GANC: variants seen among roughly 807,000 people sequenced by gnomAD.
The protein encoded by GANC is glucosidase alpha, neutral C, also known as neutral alpha-glucosidase C.
Under a neutral mutation model 124.2 loss-of-function variants are expected in GANC, and 117 were observed. That is an observed-to-expected ratio of 0.94 (90% CI 0.81 to 1.10). GANC has a LOEUF of 1.10. Ranked by LOEUF, GANC falls within the 50% of genes least tolerant of loss-of-function variation. The pLI is 0.00. For missense variants in GANC, 1,140 were observed against 1,095.0 expected, an observed-to-expected ratio of 1.04 and a Z score of -0.58; for synonymous variants, 377 against 376.8, an observed-to-expected ratio of 1.00 and a Z score of -0.01.
In GANC at chr15:42,352,447, T is replaced by C; in HGVS notation, c.*308T>C. On this transcript the variant is annotated 3_prime_UTR_variant, in exon 24 of 24. Coordinates refer to ENST00000318010, the MANE Select transcript of GANC (RefSeq NM_198141.3). ...CATTCCTTCAGCAGGGCTGCGTGGG[T>C]CTGTTTTAACGTGGGCCAAGCCTAC... The C allele has an allele frequency of 2.7e-6, 3 of 1,101,002 alleles. No homozygotes were observed. Among genetic ancestry groups the C allele is most frequent in the Non-Finnish European group, 3.3e-6 (3 of 897,912 alleles). 68.2% of individuals were successfully genotyped at this position (1,101,002 alleles called of 1,614,324 possible).
chr15:42,310,824 C>CA lies in GANC; in HGVS notation c.1038dup (p.Gln347ThrfsTer27). ...CAGGACCTACACCTTCTGATGTCTT[C>CA]AAACAGTACTCACACCTTACAGGTA... is the stretch of plus-strand genomic sequence containing the variant. On this transcript the variant is annotated frameshift_variant, in exon 10 of 24. Coordinates refer to ENST00000318010, the MANE Select transcript of GANC (RefSeq NM_198141.3). LOFTEE classifies it high-confidence loss of function. 6.2e-7 allele frequency: 1 copy of CA among 1,614,046 alleles called. No individual in the cohort carries two copies. The highest frequency in any genetic ancestry group is 8.5e-7 in the Non-Finnish European group (1 of 1,179,886).
At position 42,297,740 on chromosome 15, in the gene GANC, C is replaced by T. The variant is rs1403992054; in HGVS notation, c.558+84C>T. 6 of 987,056 alleles carry T rather than the reference C, an allele frequency of 6.1e-6. No individual in the cohort carries two copies. In the Admixed American group the frequency reaches 6.7e-5, roughly 11 times the overall value. 61.1% of individuals were successfully genotyped at this position (987,056 alleles called of 1,614,324 possible). On this transcript the variant is annotated intron_variant, in intron 6 of 23. Transcript: ENST00000318010. ...ATATAAGGAATTCTCTTTCTTCCTT[C>T]TACAGAAGGGTGCTTGTTAAATGAT...
chr15:42,326,178 T>G, intron 11 of GANC, 120 bp from the exon 12 acceptor site: 1 of 696,182 alleles, frequency 1.4e-6, no homozygotes, highest in Non-Finnish European at 2.5e-6. Flanking sequence ...GTCTGAAATA[T>G]TTCAATACTA....
Position 42,329,400 on chromosome 15 carries a change from A to T in GANC, c.1595A>T (p.His532Leu), listed in dbSNP as rs574481114. Residue 532 changes from histidine to leucine, a missense_variant, in exon 14 of 24, where the codon CAT (histidine) becomes CTT (leucine). By Grantham distance (99) the His-to-Leu change is moderately conservative. Coordinates refer to ENST00000318010, the MANE Select transcript of GANC (RefSeq NM_198141.3). ...EQTMQKNAIH[H>L]GNWEHRELHN... ...ACCATGCAGAAGAATGCCATTCATC[A>T]TGGCAATTGGGAGCACAGAGAGCTC... 7 of 1,613,942 alleles carry T rather than the reference A, an allele frequency of 4.3e-6. No homozygotes were observed. In the South Asian group the frequency reaches 6.6e-5, roughly 15 times the overall value.
At chr15:42,277,777 T>G (rs1322901115) in intron 2 of GANC, among the ~76,000 whole-genome samples, 2 of 151,744 alleles carry the variant, frequency 1.3e-5, no homozygotes, top group Non-Finnish European at 2.9e-5. Flanking sequence ...ATTTTTTGTA[T>G]TTTTAGTAGA....
In GANC at chr15:42,278,440, T is replaced by A. The variant is rs781663919; in HGVS notation, c.93-42T>A. On this transcript the variant is annotated intron_variant, in intron 2 of 23. Coordinates refer to ENST00000318010, the MANE Select transcript of GANC (RefSeq NM_198141.3). ...AATATAGTCTTTTGGATACTGACAA[T>A]CACAAATAATTATCAAGCATCTGCA... 1.4e-5 allele frequency: 19 copies of A among 1,318,034 alleles called. No homozygotes were observed. In the South Asian group the frequency reaches 2.1e-4, roughly 15 times the overall value. 81.6% of individuals were successfully genotyped at this position (1,318,034 alleles called of 1,614,324 possible). A position where few individuals can be genotyped will look rare whatever the true frequency, so the allele number is the denominator to read the frequency against.
intron 19 of GANC, among the ~76,000 whole-genome samples, chr15:42,343,607 T>C (rs2052343327): frequency 6.6e-6 from 1 of 152,006 alleles, no homozygotes; most frequent in South Asian, 2.1e-4. Context: ...AAATAGTGAC[T>C]CCCCTCCCAC....
At chr15:42,306,489 G>C in intron 6 of GANC, 57 bp from the exon 7 acceptor site, 1 of 1,343,106 alleles carries the variant, frequency 7.4e-7, no homozygotes, top group South Asian at 1.2e-5. Flanking sequence ...AGCTATTGTG[G>C]TAAACACATT....
intron 6 of GANC, among the ~76,000 whole-genome samples, chr15:42,304,497 C>G (rs2051975115): frequency 6.6e-6 from 1 of 152,194 alleles, no homozygotes; most frequent in South Asian, 2.1e-4. Flanking sequence ...ATTCCATGCT[C>G]ATGGATAGTA....
At chr15:42,347,352 T>C (rs1409305217) in intron 20 of GANC, among the ~76,000 whole-genome samples, 1 of 152,164 alleles carries the variant, frequency 6.6e-6, no homozygotes, top group Non-Finnish European at 1.5e-5. Flanking sequence ...ATGCTCATTC[T>C]TGAGTCAGAG....
At chr15:42,331,550 G>T (rs1433521618) in intron 15 of GANC, among the ~76,000 whole-genome samples, 1 of 152,108 alleles carries the variant, frequency 6.6e-6, no homozygotes, top group Non-Finnish European at 1.5e-5. Flanking sequence ...AAAGAATCCA[G>T]CCCTTACTAT....
rs376432091 is a variant in GANC, at chr15:42,345,769, C to G, written c.2241C>G (p.Asp747Glu). ...FLPGSNEVWY[D>E]YKTFAHWEGG... ...CTGTTACTTTCTAGGTCTGGTATGA[C>G]TATAAGACATTTGCTCATTGGGAAG... Residue 747 changes from aspartate (D) to glutamate (E), a missense_variant, in exon 20 of 24, where the codon GAC becomes GAG. By Grantham distance (45) the Asp-to-Glu change is conservative. Transcript: ENST00000318010. 2.1e-5 allele frequency: 33 copies of G among 1,609,724 alleles called. No individual in the cohort carries two copies. The highest frequency in any genetic ancestry group is 5.3e-5 in the African/African-American group (4 of 74,802).
At chr15:42,277,855 GC>G (rs2051688945) in intron 2 of GANC, among the ~76,000 whole-genome samples, 1 of 141,556 alleles carries the variant, frequency 7.1e-6, no homozygotes, top group South Asian at 2.3e-4. Context: ...ATCCACCTCG[GC>G]CTCCCAAAGT....
rs555407982 is a variant in GANC at position 42,273,752 on chromosome 15, C to T, written c.-730C>T. On this transcript the variant is annotated 5_prime_UTR_variant, in exon 1 of 24. Transcript: ENST00000318010. Reference sequence around the variant, plus strand: ...TTCCGCTCGCCCCAGCCCTTCATCCCTTCTAAGTCAATGTCAGACTTTGGG... The same window carrying T: ...TTCCGCTCGCCCCAGCCCTTCATCCTTTCTAAGTCAATGTCAGACTTTGGG... The T allele has an allele frequency of 1.1e-4, 29 of 254,098 alleles. No individual in the cohort carries two copies. Among genetic ancestry groups the T allele is most frequent in the Middle Eastern group, 1.5e-3 (1 of 684 alleles). The allele number at this position is 254,098 out of a possible 1,614,324, so 15.7% of individuals were successfully genotyped here. A position where few individuals can be genotyped will look rare whatever the true frequency, so the allele number is the denominator to read the frequency against.
chr15:42,287,882 A>G, intron 4 of GANC, 64 bp downstream of exon 4: 1 of 1,530,188 alleles, frequency 6.5e-7, no homozygotes, highest in Non-Finnish European at 8.8e-7. Context: ...TATCTTGAGT[A>G]ATAAATTTTG....
chr15:42,302,529 C>T (rs969399095), intron 6 of GANC, among the ~76,000 whole-genome samples: 1 of 152,056 alleles, frequency 6.6e-6, no homozygotes, highest in African/African-American at 2.4e-5. Context: ...AAGTAGGCTT[C>T]AGAAGGTGGG....
rs533601699 is a variant in GANC, at chr15:42,343,246, TG to T, written c.2229+93del. On this transcript the variant is annotated intron_variant, in intron 19 of 23. Transcript: ENST00000318010. The stretch of plus-strand genomic sequence containing the variant: ...AAGAGATTTCTTCATCATGTGTTTG[TG>T]AACACACCCCAGATGACTATAGCAA... 564 of 1,081,878 alleles carry T rather than the reference TG, an allele frequency of 5.2e-4. No individual in the cohort carries two copies. The African/African-American group carries it at 8.0e-3, about 15-fold the overall frequency. The allele number at this position is 1,081,878 out of a possible 1,614,324, so 67.0% of individuals were successfully genotyped here. A position where few individuals can be genotyped will look rare whatever the true frequency, so the allele number is the denominator to read the frequency against.
intron 3 of GANC, among the ~76,000 whole-genome samples, chr15:42,282,782 A>G (rs907250170): frequency 1.3e-5 from 2 of 152,210 alleles, no homozygotes; most frequent in Non-Finnish European, 2.9e-5. Context: ...CAGGCTAGGC[A>G]GCTTACACAA....
At chr15:42,331,673 C>G (rs1474306695) in intron 15 of GANC, among the ~76,000 whole-genome samples, 1 of 152,126 alleles carries the variant, frequency 6.6e-6, no homozygotes, top group Non-Finnish European at 1.5e-5. Context: ...CAGAGGTATT[C>G]AACACAGTGG....
Sources: allele counts gnomAD v4.1 joint callset (sites outside exome capture counted in the v4.1 genomes callset), GRCh38; gene constraint gnomAD v4.1.1; transcripts MANE v1.5; gene names NCBI Gene and HGNC (gene_info 2026-07-23, HGNC 2026-07-21).